Variants in OR2C3 observed in about 807,000 individuals in gnomAD.
The protein encoded by OR2C3 is olfactory receptor family 2 subfamily C member 3, also known as olfactory receptor 2C3.
For missense variants in OR2C3, 425 were observed against 401.5 expected, an observed-to-expected ratio of 1.06 and a Z score of -0.50; for synonymous variants, 178 against 163.4, an observed-to-expected ratio of 1.09 and a Z score of -0.68.
rs766812239 is a variant in OR2C3, at chr1:247,531,262, T to C, written c.*287A>G. The C allele has an allele frequency of 2.4e-5, 10 of 408,210 alleles. No homozygotes were observed. The highest frequency in any genetic ancestry group is 4.4e-5 in the Non-Finnish European group (10 of 226,902). 25.3% of individuals were successfully genotyped at this position (408,210 alleles called of 1,614,324 possible). ...CCTGGAATCCACCCGCTTCGGATACTGAGGAACAGCTGAACAACAACGCAA... is the reference window on the plus strand; with the variant it reads ...CCTGGAATCCACCCGCTTCGGATACCGAGGAACAGCTGAACAACAACGCAA... On this transcript the variant is annotated 3_prime_UTR_variant, in exon 3 of 3. Coordinates refer to ENST00000641802, the MANE Select transcript of OR2C3 (RefSeq NM_198074.6).
At position 247,532,266 on chromosome 1, in the gene OR2C3, G is replaced by A; in HGVS notation, c.246C>T (p.Leu82=). The A allele has an allele frequency of 1.2e-6, 2 of 1,614,204 alleles. No homozygotes were observed. Among genetic ancestry groups the A allele is most frequent in the Non-Finnish European group, 1.7e-6 (2 of 1,180,038 alleles). ...MSFTTSIVPQ[L]LANLWGPQKT... ...TCTGTGGTCCCCAGAGGTTAGCCAG[G>A]AGCTGTGGGACAATGCTCGTGGTGA... Residue 82 remains leucine, a synonymous_variant, in exon 3 of 3, where the codon CTC becomes CTT. Transcript: ENST00000641802.
rs200581250 is a variant in OR2C3, at chr1:247,531,971, C to T, written c.541G>A (p.Glu181Lys). 1.1e-4 allele frequency: 183 copies of T among 1,614,068 alleles called. 2 individuals are homozygous for T. The highest frequency in any genetic ancestry group is 4.9e-4 in the Middle Eastern group (3 of 6,062). Residue 181 changes from glutamate to lysine, a missense_variant, in exon 3 of 3, where the codon GAG becomes AAG. Transcript: ENST00000641802. ...GNNCIDHFFC[E>K]MPLIMQLACV... ...GCCAGTTGCATAATGAGGGGCATCT[C>T]GCAAAAGAAGTGGTCGATGCAATTG...
intron 2 of OR2C3, among the ~76,000 whole-genome samples, chr1:247,532,936 T>A (rs1240239059): frequency 3.3e-5 from 5 of 152,104 alleles, no homozygotes; most frequent in African/African-American, 9.7e-5. Flanking sequence ...ACTGCTTTTT[T>A]AAAATGGAAA....
chr1:247,530,259 G>T lies in OR2C3; in HGVS notation c.*1290C>A, dbSNP rs1023770545. ...TTTGAATCATCAGGCAGAGAATGAG[G>T]TTACTCTATTGATAGAGGTGAACTC... On this transcript the variant is annotated 3_prime_UTR_variant, in exon 3 of 3. Transcript: ENST00000641802. The T allele has an allele frequency of 3.3e-5, 5 of 152,234 alleles. No homozygotes were observed. Among genetic ancestry groups the T allele is most frequent in the East Asian group, 1.9e-4 (1 of 5,182 alleles). The allele number at this position is 152,234 out of a possible 1,614,324, so 9.4% of individuals were successfully genotyped here.
chr1:247,532,755 G>T, intron 2 of OR2C3: 1 of 510,988 alleles, frequency 2.0e-6, no homozygotes, highest in African/African-American at 1.9e-5. Flanking sequence ...GTACTACCAT[G>T]TCTGGCTAAA....
rs917703510 is a variant in OR2C3 at position 247,536,355 on chromosome 1, C to T, written c.-589G>A. The T allele has an allele frequency of 2.0e-5, 3 of 152,026 alleles. No individual in the cohort carries two copies. Among genetic ancestry groups the T allele is most frequent in the African/African-American group, 2.4e-5 (1 of 41,380 alleles). The allele number at this position is 152,026 out of a possible 1,614,324, so 9.4% of individuals were successfully genotyped here. On this transcript the variant is annotated 5_prime_UTR_variant, in exon 1 of 3. Transcript: ENST00000641802. ...AAATCTCTAAGTCGGTGGTAGCAGA[C>T]GTGTTAGATTCTGTTCAAATTCATG...
At position 247,532,519 on chromosome 1, in the gene OR2C3, TG is replaced by T. The variant is rs777178663; in HGVS notation, c.-9del. The T allele has an allele frequency of 1.9e-6, 3 of 1,609,808 alleles. No individual in the cohort carries two copies. Among genetic ancestry groups the T allele is most frequent in the Non-Finnish European group, 2.5e-6 (3 of 1,177,464 alleles). ...ATTGGCTATTTCCATCATTGTATGC[TG>T]GGGGTGGGGCAAAAGGCCACCTGTG... On this transcript the variant is annotated 5_prime_UTR_variant, in exon 3 of 3. Transcript: ENST00000641802.
In OR2C3 at chr1:247,527,533, A is replaced by G. The variant is rs570876845; in HGVS notation, c.*4016T>C. 1 of 152,440 alleles carries G rather than the reference A, an allele frequency of 6.6e-6. No homozygotes were observed. The highest frequency in any genetic ancestry group is 1.5e-5 in the Non-Finnish European group (1 of 68,154). 9.4% of individuals were successfully genotyped at this position (152,440 alleles called of 1,614,324 possible). A position where few individuals can be genotyped will look rare whatever the true frequency, so the allele number is the denominator to read the frequency against. The stretch of plus-strand genomic sequence containing the variant: ...GAGATTTTTAATTAGTCTTTTCAAG[A>G]GGTTAGGGAAAGTTTTTAGTATTCA... On this transcript the variant is annotated 3_prime_UTR_variant, in exon 3 of 3. Coordinates refer to ENST00000641802, the MANE Select transcript of OR2C3 (RefSeq NM_198074.6). The surrounding 1 kb of genome is among the most constrained non-coding windows in gnomAD (Gnocchi z 4.6).
intron 1 of OR2C3, among the ~76,000 whole-genome samples, chr1:247,534,746 C>A (rs1489500926): frequency 6.6e-6 from 1 of 152,192 alleles, no homozygotes; most frequent in Non-Finnish European, 1.5e-5. Flanking sequence ...ATTTACCTAT[C>A]CCTGTAACTG....
Position 247,532,492 on chromosome 1 carries a change from A to G in OR2C3, c.20T>C (p.Val7Ala), listed in dbSNP as rs985545269. The change falls in exon 3 of 3, where the codon GTG becomes GCG. Residue 7 changes from valine (V) to alanine (A), a missense_variant. Coordinates refer to ENST00000641802, the MANE Select transcript of OR2C3 (RefSeq NM_198074.6). Reference sequence around the variant, plus strand: ...GAGGACAAAGACTTCTGGAGAACTCACATTGGCTATTTCCATCATTGTATG... The same window carrying G: ...GAGGACAAAGACTTCTGGAGAACTCGCATTGGCTATTTCCATCATTGTATG... MMEIAN[V>A]SSPEVFVLLG... 1.2e-6 allele frequency: 2 copies of G among 1,613,806 alleles called. No individual in the cohort carries two copies. The highest frequency in any genetic ancestry group is 8.5e-7 in the Non-Finnish European group (1 of 1,179,864).
Position 247,530,074 on chromosome 1 carries a change from T to A in OR2C3, c.*1475A>T, listed in dbSNP as rs934069915. 1 of 152,150 alleles carries A rather than the reference T, an allele frequency of 6.6e-6. No homozygotes were observed. The highest frequency in any genetic ancestry group is 1.5e-5 in the Non-Finnish European group (1 of 68,036). 9.4% of individuals were successfully genotyped at this position (152,150 alleles called of 1,614,324 possible). On this transcript the variant is annotated 3_prime_UTR_variant, in exon 3 of 3. Coordinates refer to ENST00000641802, the MANE Select transcript of OR2C3 (RefSeq NM_198074.6). ...GTGTGTGTATTCTCTTTTACACATA[T>A]TTTTGGTTCTGTTTCTCTGGAGAAC... is the stretch of plus-strand genomic sequence containing the variant.
chr1:247,532,841 C>A (rs1438477124), intron 2 of OR2C3, among the ~76,000 whole-genome samples: 1 of 145,210 alleles, frequency 6.9e-6, no homozygotes, highest in African/African-American at 2.6e-5. Context: ...ACCTTCCTCA[C>A]GGCCAACTTG....
rs1416290260 is a variant in OR2C3 at position 247,530,520 on chromosome 1, C to CCCT, written c.*1028_*1029insAGG. On this transcript the variant is annotated 3_prime_UTR_variant, in exon 3 of 3. Coordinates refer to ENST00000641802, the MANE Select transcript of OR2C3 (RefSeq NM_198074.6). ...CCAGTCCACAAACACCATGCCATCC[C>CCCT]CCCCCCACAAAATAACATTTCCTAT... 7.2e-6 allele frequency: 1 copy of CCCT among 138,994 alleles called. No homozygotes were observed. The highest frequency in any genetic ancestry group is 1.6e-5 in the Non-Finnish European group (1 of 61,558). The allele number at this position is 138,994 out of a possible 1,614,324, so 8.6% of individuals were successfully genotyped here. A position where few individuals can be genotyped will look rare whatever the true frequency, so the allele number is the denominator to read the frequency against.
At position 247,531,305 on chromosome 1, in the gene OR2C3, A is replaced by G; in HGVS notation, c.*244T>C. The G allele has an allele frequency of 3.8e-6, 2 of 519,642 alleles. No homozygotes were observed. The highest frequency in any genetic ancestry group is 6.8e-6 in the Non-Finnish European group (2 of 294,340). The allele number at this position is 519,642 out of a possible 1,614,324, so 32.2% of individuals were successfully genotyped here. A position where few individuals can be genotyped will look rare whatever the true frequency, so the allele number is the denominator to read the frequency against. ...CAACGCAAGGAGTTTACAAAACAAG[A>G]TGACAGTCAACATGTGTATATATAG... On this transcript the variant is annotated 3_prime_UTR_variant, in exon 3 of 3. Transcript: ENST00000641802.
Position 247,533,775 on chromosome 1 carries a change from A to G in OR2C3, c.-298T>C, listed in dbSNP as rs1667107490. 6.6e-6 allele frequency: 1 copy of G among 152,198 alleles called. No homozygotes were observed. Among genetic ancestry groups the G allele is most frequent in the South Asian group, 2.1e-4 (1 of 4,828 alleles). 9.4% of individuals were successfully genotyped at this position (152,198 alleles called of 1,614,324 possible). ...TCTGAAGGCTCCTCTGTTATGTAAA[A>G]CTATGATCAAATAAATGTGTATGTC... On this transcript the variant is annotated 5_prime_UTR_variant, in exon 2 of 3. Transcript: ENST00000641802.
chr1:247,529,076 G>A lies in OR2C3; in HGVS notation c.*2473C>T, dbSNP rs888508726. On this transcript the variant is annotated 3_prime_UTR_variant, in exon 3 of 3. Coordinates refer to ENST00000641802, the MANE Select transcript of OR2C3 (RefSeq NM_198074.6). The stretch of plus-strand genomic sequence containing the variant: ...ATTTCTCTCACCAAGGTTAGCATGT[G>A]ATTTGGCACTATTTCCAGGCGTCTG... 8 of 152,242 alleles carry A rather than the reference G, an allele frequency of 5.3e-5. No homozygotes were observed. Among genetic ancestry groups the A allele is most frequent in the African/African-American group, 1.9e-4 (8 of 41,460 alleles). The allele number at this position is 152,242 out of a possible 1,614,324, so 9.4% of individuals were successfully genotyped here. A position where few individuals can be genotyped will look rare whatever the true frequency, so the allele number is the denominator to read the frequency against.
In OR2C3 at chr1:247,526,798, G is replaced by T. The variant is rs922025182; in HGVS notation, c.*4751C>A. 1.7e-5 allele frequency: 6 copies of T among 358,508 alleles called. No homozygotes were observed. The highest frequency in any genetic ancestry group is 1.3e-4 in the African/African-American group (6 of 46,804). The allele number at this position is 358,508 out of a possible 1,614,324, so 22.2% of individuals were successfully genotyped here. The stretch of plus-strand genomic sequence containing the variant: ...GAGCCTAGAAAATTCTGACATATTC[G>T]GCTGAAAAGGGACCTGGCATCGAAA... On this transcript the variant is annotated 3_prime_UTR_variant, in exon 3 of 3. Coordinates refer to ENST00000641802, the MANE Select transcript of OR2C3 (RefSeq NM_198074.6). This position sits in a 1 kb window ranked among gnomAD's most constrained non-coding sequence, Gnocchi z 4.8.
intron 1 of OR2C3, among the ~76,000 whole-genome samples, chr1:247,534,865 G>A (rs1474382463): frequency 6.6e-6 from 1 of 152,120 alleles, no homozygotes; most frequent in East Asian, 1.9e-4. Context: ...AAAACTCTAG[G>A]CATTTGTTAA....
chr1:247,529,273 C>G lies in OR2C3; in HGVS notation c.*2276G>C, dbSNP rs895024007. 4 of 152,168 alleles carry G rather than the reference C, an allele frequency of 2.6e-5. No individual in the cohort carries two copies. The highest frequency in any genetic ancestry group is 9.7e-5 in the African/African-American group (4 of 41,436). The allele number at this position is 152,168 out of a possible 1,614,324, so 9.4% of individuals were successfully genotyped here. The stretch of plus-strand genomic sequence containing the variant: ...CACCATGGCATCCCCTGCAATATCA[C>G]CTGTAACCAGGAAACATATTTCACA... On this transcript the variant is annotated 3_prime_UTR_variant, in exon 3 of 3. Coordinates refer to ENST00000641802, the MANE Select transcript of OR2C3 (RefSeq NM_198074.6).
Sources: allele counts gnomAD v4.1 joint callset (sites outside exome capture counted in the v4.1 genomes callset), GRCh38; gene constraint gnomAD v4.1.1; non-coding constraint Gnocchi (gnomAD v3.1); transcripts MANE v1.5; gene names NCBI Gene and HGNC (gene_info 2026-07-23, HGNC 2026-07-21).